GPC5: variants seen among roughly 807,000 people sequenced by gnomAD.
GPC5 encodes glypican 5.
GPC5 carries 47 observed loss-of-function variants against 53.9 expected under a neutral mutation model. That is an observed-to-expected ratio of 0.87 (90% confidence interval 0.69 to 1.11). The LOEUF (loss-of-function observed/expected upper bound fraction) is 1.11. GPC5 is among the 50% of genes most tolerant of loss of function. GPC5 has a pLI of 0.00. For missense variants in GPC5, 748 were observed against 713.1 expected, an observed-to-expected ratio of 1.05 and a Z score of -0.56; for synonymous variants, 286 against 263.3, an observed-to-expected ratio of 1.09 and a Z score of -0.84.
chr13:92,601,328 G>C (rs1001283980), intron 7 of GPC5, among the ~76,000 whole-genome samples: 1 of 152,054 alleles, frequency 6.6e-6, no homozygotes, highest in African/African-American at 2.4e-5. Flanking sequence ...GGCGGAGGCA[G>C]GCGGATCACC....
intron 7 of GPC5, among the ~76,000 whole-genome samples, chr13:92,346,242 C>G (rs574547846): frequency 3.8e-4 from 58 of 152,278 alleles, no homozygotes; most frequent in African/African-American, 1.3e-3. Context: ...CTGTCCCAAG[C>G]AGTGACTGAC....
chr13:91,681,025 G>A (rs2035496137), intron 2 of GPC5, among the ~76,000 whole-genome samples: 1 of 151,908 alleles, frequency 6.6e-6, no homozygotes, highest in African/African-American at 2.4e-5. Flanking sequence ...CGAATAATAT[G>A]TATTTCTATA....
intron 1 of GPC5, among the ~76,000 whole-genome samples, chr13:91,413,961 C>G (rs138477067): frequency 1.3e-5 from 2 of 152,310 alleles, no homozygotes; most frequent in African/African-American, 4.8e-5. Context: ...ATGGCCATAT[C>G]TTTAAGAACA....
At chr13:92,124,265 A>C (rs929377844) in intron 6 of GPC5, among the ~76,000 whole-genome samples, 4 of 150,984 alleles carry the variant, frequency 2.6e-5, no homozygotes, top group Admixed American at 6.6e-5. Context: ...AAAAAAAAAA[A>C]AAAAAAAACT....
chr13:91,969,627 G>T (rs1371175649), intron 6 of GPC5, among the ~76,000 whole-genome samples: 1 of 152,088 alleles, frequency 6.6e-6, no homozygotes, highest in East Asian at 1.9e-4. Context: ...TATATCTAGG[G>T]ACTCTCAATT....
chr13:92,261,231 G>T (rs2042764898), intron 7 of GPC5, among the ~76,000 whole-genome samples: 1 of 152,154 alleles, frequency 6.6e-6, no homozygotes, highest in Non-Finnish European at 1.5e-5. Context: ...GTGATTTTTT[G>T]TTCTTTTTCA....
chr13:92,828,823 A>G (rs930574992), intron 7 of GPC5, among the ~76,000 whole-genome samples: 2 of 152,084 alleles, frequency 1.3e-5, no homozygotes, highest in African/African-American at 4.8e-5. Flanking sequence ...CATAATAAAC[A>G]CTGGAGACTC....
chr13:92,059,091 C>T (rs529058099), intron 6 of GPC5, among the ~76,000 whole-genome samples: 1 of 152,272 alleles, frequency 6.6e-6, no homozygotes, highest in Non-Finnish European at 1.5e-5. Flanking sequence ...TGTTACTGAA[C>T]TGTACTGTAT....
intron 2 of GPC5, among the ~76,000 whole-genome samples, chr13:91,454,995 G>A (rs1459215030): frequency 6.6e-6 from 1 of 152,020 alleles, no homozygotes. Flanking sequence ...ACATTTGGGA[G>A]ATTACAACTA....
intron 7 of GPC5, among the ~76,000 whole-genome samples, chr13:92,243,377 T>C (rs1319307080): frequency 6.6e-6 from 1 of 152,140 alleles, no homozygotes; most frequent in South Asian, 2.1e-4. Flanking sequence ...ATTTTCTGTT[T>C]TCAAGAAGTA....
intron 7 of GPC5, among the ~76,000 whole-genome samples, chr13:92,457,782 T>G (rs973257715): frequency 6.6e-6 from 1 of 152,198 alleles, no homozygotes; most frequent in Admixed American, 6.5e-5. Context: ...CTAATATCTT[T>G]GATTACATTA....
intron 5 of GPC5, among the ~76,000 whole-genome samples, chr13:91,876,786 A>C (rs1247652930): frequency 3.3e-5 from 5 of 152,184 alleles, no homozygotes; most frequent in African/African-American, 1.2e-4. Flanking sequence ...GTTAATCCCC[A>C]AGACCATGGG....
intron 2 of GPC5, among the ~76,000 whole-genome samples, chr13:91,578,040 C>T (rs1488941489): frequency 6.6e-6 from 1 of 152,198 alleles, no homozygotes; most frequent in African/African-American, 2.4e-5. Context: ...TCTTGGGTCA[C>T]TGTCTCTGAG....
rs116828410 is a variant in GPC5, at chr13:91,473,083, T to C, written c.325+24161T>C. 4.7e-3 allele frequency among the ~76,000 whole-genome samples: 717 copies of C among 152,132 alleles called. 3 individuals carry two copies. The highest frequency in any genetic ancestry group is 0.017 in the African/African-American group (688 of 41,516). ...GGGGAAGCAGGCATGTCTTGCATGG[T>C]GGAAGGTGAGAGTGTGAGCATGTGA... is the stretch of plus-strand genomic sequence containing the variant. On this transcript the variant is annotated intron_variant, in intron 2 of 7. Transcript: ENST00000377067.
At chr13:91,621,881 C>T (rs946467824) in intron 2 of GPC5, among the ~76,000 whole-genome samples, 5 of 150,880 alleles carry the variant, frequency 3.3e-5, no homozygotes, top group Admixed American at 2.6e-4. Context: ...GAAGCCAGTC[C>T]AAGTCCCAAA....
At chr13:91,544,147 G>GT (rs2030136583) in intron 2 of GPC5, among the ~76,000 whole-genome samples, 1 of 151,924 alleles carries the variant, frequency 6.6e-6, no homozygotes, top group South Asian at 2.1e-4. Context: ...ATGTAAATAA[G>GT]TTGGTATAAT....
intron 5 of GPC5, among the ~76,000 whole-genome samples, chr13:91,893,532 C>T (rs1011987183): frequency 5.3e-5 from 8 of 151,984 alleles, no homozygotes; most frequent in Non-Finnish European, 1.0e-4. Context: ...ATGAACATAC[C>T]TAAGCCACAT....
At position 92,261,252 on chromosome 13, in the gene GPC5, A is replaced by G. The variant is rs2042765028; in HGVS notation, c.1561+116263A>G. On this transcript the variant is annotated intron_variant, in intron 7 of 7. Transcript: ENST00000377067. ...TTTTGTTCTTTTTCAGTCTTTGTCA[A>G]TTTTGCTAGCATAACCTCAAGTGAC... 1.3e-5 allele frequency among the ~76,000 whole-genome samples: 2 copies of G among 152,136 alleles called. 1 individual carries two copies. The highest frequency in any genetic ancestry group is 4.1e-4 in the South Asian group (2 of 4,834).
At chr13:91,718,257 T>C (rs995781869) in intron 3 of GPC5, among the ~76,000 whole-genome samples, 3 of 152,020 alleles carry the variant, frequency 2.0e-5, no homozygotes, top group South Asian at 2.1e-4. Context: ...ACTACAGGCG[T>C]CTGCCACCAC....
Sources: gnomAD v4.1 joint callset for allele counts (sites outside exome capture counted in the v4.1 genomes callset) on GRCh38, gnomAD v4.1.1 for gene constraint, MANE v1.5 for transcripts, NCBI Gene and HGNC (gene_info 2026-07-23, HGNC 2026-07-21) for gene names.